IFFO2: variants seen among roughly 807,000 people sequenced by gnomAD.
The protein encoded by IFFO2 is intermediate filament family orphan 2.
In IFFO2, 19 loss-of-function variants were observed where a neutral mutation model predicts 53.5. That is an observed-to-expected ratio of 0.36 (90% confidence interval 0.25 to 0.52). The LOEUF (loss-of-function observed/expected upper bound fraction) is 0.52, where lower values mean the gene tolerates loss of function less well. IFFO2 is among the 20% of genes least tolerant of loss of function. The probability of loss-of-function intolerance (pLI) is 0.94; values close to 1 mark genes in which losing one functional copy is unlikely to be tolerated. For synonymous variants in IFFO2, 303 were observed against 313.6 expected (o/e 0.97, Z 0.36); for missense variants, 570 against 727.4 (o/e 0.78, Z 2.49).
At chr1:18,937,998 G>A (rs368802842) in intron 1 of IFFO2, among the ~76,000 whole-genome samples, 9 of 152,242 alleles carry the variant, frequency 5.9e-5, no homozygotes, top group African/African-American at 1.9e-4. Flanking sequence ...TTCCCAGCCC[G>A]GACTCAGCAA....
At chr1:18,951,270 C>T (rs959349096) in intron 1 of IFFO2, among the ~76,000 whole-genome samples, 27 of 152,158 alleles carry the variant, frequency 1.8e-4, no homozygotes, top group African/African-American at 5.3e-4. Flanking sequence ...TCTCCCAAGG[C>T]GCCCTGCTAT....
At chr1:18,920,003 A>G (rs1303770515) in intron 2 of IFFO2, among the ~76,000 whole-genome samples, 1 of 152,250 alleles carries the variant, frequency 6.6e-6, no homozygotes, top group Non-Finnish European at 1.5e-5. Flanking sequence ...AATCCATGGA[A>G]GGTATTAAAA....
rs540682245 is a variant in IFFO2 at position 18,917,271 on chromosome 1, G to A, written c.964-229C>T. ...GCCTGGACTCTTCCCTGCCCTGGGC[G>A]GCCTGGTGGGTGCGCCGGCTCGGCT... On this transcript the variant is annotated intron_variant, in intron 4 of 8. Transcript: ENST00000455833. This position sits in a 1 kb window ranked among gnomAD's most constrained non-coding sequence, Gnocchi z 5.9. Among the ~76,000 whole-genome samples, 217 of 152,260 alleles carry A rather than the reference G, an allele frequency of 1.4e-3. No homozygotes were observed. Among genetic ancestry groups the A allele is most frequent in the African/African-American group, 4.8e-3 (200 of 41,548 alleles).
intron 7 of IFFO2, among the ~76,000 whole-genome samples, 154 bp downstream of exon 7, chr1:18,911,230 C>T (rs1335199142): frequency 1.3e-5 from 2 of 152,226 alleles, no homozygotes; most frequent in South Asian, 2.1e-4. Flanking sequence ...CTAAGAAAGA[C>T]ATTACTCGCC....
intron 1 of IFFO2, 67 bp from the exon 2 acceptor site, chr1:18,921,188 C>G: frequency 7.5e-7 from 1 of 1,328,034 alleles, no homozygotes; most frequent in South Asian, 1.3e-5. Context: ...CCCTCAGACA[C>G]AACCCCAACA....
At chr1:18,925,935 TTGGATGGATGGATGGATGGATTGGTTGGA>T (rs1936283684) in intron 1 of IFFO2, among the ~76,000 whole-genome samples, 1 of 18,226 alleles carries the variant, frequency 5.5e-5, no homozygotes, top group Non-Finnish European at 1.1e-4. Context: ...GGATGGATGG[TTGGATGGATGGATGGATGGATTGGTTGGA>T]TGGATGGATG....
rs976653895 is a variant in IFFO2, at chr1:18,936,163, G to C, written c.666-15042C>G. Among the ~76,000 whole-genome samples the C allele has an allele frequency of 4.6e-5, 7 of 152,226 alleles. No homozygotes were observed. Among genetic ancestry groups the C allele is most frequent in the African/African-American group, 1.7e-4 (7 of 41,550 alleles). ...GGCCTTCTCTAGGAGATCCAATCTA[G>C]GCCAATGCAGCCCTGTCGCCTTAGA... On this transcript the variant is annotated intron_variant, in intron 1 of 8. Coordinates refer to ENST00000455833, the MANE Select transcript of IFFO2 (RefSeq NM_001136265.2). This position sits in a 1 kb window ranked among gnomAD's most constrained non-coding sequence, Gnocchi z 4.5.
chr1:18,915,928 C>A lies in IFFO2; in HGVS notation c.1103+975G>T, dbSNP rs957873628. On this transcript the variant is annotated intron_variant, in intron 5 of 8. Transcript: ENST00000455833. ...TCACTGGAGGTCAGGAGTTCGAGAC[C>A]AGCCTGGCCAACGTGGTAAAACCCT... Among the ~76,000 whole-genome samples, 8 of 152,112 alleles carry A rather than the reference C, an allele frequency of 5.3e-5. No homozygotes were observed. In the East Asian group the frequency reaches 1.4e-3, roughly 26 times the overall value.
In IFFO2 at chr1:18,947,597, C is replaced by A. The variant is rs572127635; in HGVS notation, c.665+8071G>T. Among the ~76,000 whole-genome samples, 5 of 152,204 alleles carry A rather than the reference C, an allele frequency of 3.3e-5. No individual in the cohort carries two copies. The highest frequency in any genetic ancestry group is 9.6e-5 in the African/African-American group (4 of 41,508). On this transcript the variant is annotated intron_variant, in intron 1 of 8. Coordinates refer to ENST00000455833, the MANE Select transcript of IFFO2 (RefSeq NM_001136265.2). The surrounding 1 kb of genome is among the most constrained non-coding windows in gnomAD (Gnocchi z 5.0). ...TGCCACCACCGGGTTTAAATGAGAC[C>A]GCGTGGAAATCACCAGACGGGTCAT...
Position 18,916,890 on chromosome 1 carries a change from C to T in IFFO2, c.1103+13G>A, listed in dbSNP as rs1557639868. On this transcript the variant is annotated intron_variant, in intron 5 of 8. Coordinates refer to ENST00000455833, the MANE Select transcript of IFFO2 (RefSeq NM_001136265.2). This position sits in a 1 kb window ranked among gnomAD's most constrained non-coding sequence, Gnocchi z 4.3. ...GGGGAAACGGAGAGTGTGCGGGCCA[C>T]GGGGATACTCACAGCTGGTTAAACA... 19 of 1,551,576 alleles carry T rather than the reference C, an allele frequency of 1.2e-5. No homozygotes were observed. The highest frequency in any genetic ancestry group is 3.3e-4 in the Middle Eastern group (2 of 5,984).
intron 1 of IFFO2, among the ~76,000 whole-genome samples, chr1:18,932,961 G>T (rs1454032531): frequency 6.6e-6 from 1 of 152,194 alleles, no homozygotes; most frequent in African/African-American, 2.4e-5. Context: ...AGACACCCAG[G>T]CCCGGCAGCC....
intron 2 of IFFO2, among the ~76,000 whole-genome samples, chr1:18,920,412 G>A (rs565021056): frequency 2.5e-4 from 38 of 152,310 alleles, no homozygotes; most frequent in South Asian, 1.7e-3. Context: ...GTATCAGAAC[G>A]CAATTTCTAG....
rs1306846064 is a variant in IFFO2, at chr1:18,928,773, A to G, written c.666-7652T>C. On this transcript the variant is annotated intron_variant, in intron 1 of 8. Coordinates refer to ENST00000455833, the MANE Select transcript of IFFO2 (RefSeq NM_001136265.2). This position sits in a 1 kb window ranked among gnomAD's most constrained non-coding sequence, Gnocchi z 4.9. ...AAGTCCCTTCTCTGCCCTGGGCCTC[A>G]GTCTCCCCATCTATAATAGGATCTC... Among the ~76,000 whole-genome samples, 1 of 152,194 alleles carries G rather than the reference A, an allele frequency of 6.6e-6. No individual in the cohort carries two copies. Among genetic ancestry groups the G allele is most frequent in the Non-Finnish European group, 1.5e-5 (1 of 68,028 alleles).
intron 8 of IFFO2, among the ~76,000 whole-genome samples, chr1:18,909,504 G>T (rs146942377): frequency 2.0e-5 from 3 of 152,266 alleles, no homozygotes; most frequent in Admixed American, 2.0e-4. Context: ...TAATCCCCAC[G>T]TGTCATGAGA....
At position 18,917,655 on chromosome 1, in the gene IFFO2, C is replaced by G. The variant is rs1260028596; in HGVS notation, c.964-613G>C. On this transcript the variant is annotated intron_variant, in intron 4 of 8. Transcript: ENST00000455833. This position sits in a 1 kb window ranked among gnomAD's most constrained non-coding sequence, Gnocchi z 5.9. ...CAAAGTCACACACACAGAGCGACAA[C>G]ACACCGTATTGCCCTGGGCTCAAGC... 2.0e-5 allele frequency among the ~76,000 whole-genome samples: 3 copies of G among 152,174 alleles called. No individual in the cohort carries two copies. The East Asian group carries it at 5.8e-4, about 29-fold the overall frequency.
chr1:18,944,766 G>A (rs1356970038), intron 1 of IFFO2, among the ~76,000 whole-genome samples: 1 of 152,174 alleles, frequency 6.6e-6, no homozygotes, highest in African/African-American at 2.4e-5. Flanking sequence ...CCAGGGCCCA[G>A]CATCTGGCTG....
chr1:18,931,509 T>C (rs986810726), intron 1 of IFFO2, among the ~76,000 whole-genome samples: 2 of 152,230 alleles, frequency 1.3e-5, no homozygotes, highest in African/African-American at 4.8e-5. Context: ...CCCATTCTGA[T>C]GTTCCCAGTC....
At chr1:18,941,544 A>G (rs998566359) in intron 1 of IFFO2, among the ~76,000 whole-genome samples, 1 of 152,264 alleles carries the variant, frequency 6.6e-6, no homozygotes, top group Non-Finnish European at 1.5e-5. Flanking sequence ...ATGAAAACAC[A>G]GAAACCATCT....
At chr1:18,926,005 T>TTGGA (rs1364132738) in intron 1 of IFFO2, among the ~76,000 whole-genome samples, 41 of 23,562 alleles carry the variant, frequency 1.7e-3, no homozygotes, top group Admixed American at 5.4e-3. Flanking sequence ...GATGGATTGG[T>TTGGA]TGGATGGATG....
Sources: gnomAD v4.1 joint callset for allele counts (sites outside exome capture counted in the v4.1 genomes callset) on GRCh38, gnomAD v4.1.1 for gene constraint, Gnocchi (gnomAD v3.1) non-coding constraint, MANE v1.5 for transcripts, NCBI Gene and HGNC (gene_info 2026-07-23, HGNC 2026-07-21) for gene names.